SLC24A4: variants seen among roughly 807,000 people sequenced by gnomAD.
SLC24A4 encodes the protein sodium/potassium/calcium exchanger 4.
SLC24A4 carries 53 observed loss-of-function variants against 79.0 expected under a neutral mutation model. That is an observed-to-expected ratio of 0.67 (90% CI 0.54 to 0.84). The LOEUF is 0.84. Ranked by LOEUF, SLC24A4 falls within the 40% of genes least tolerant of loss-of-function variation. The pLI is 0.00. For missense variants in SLC24A4, 731 were observed against 822.0 expected (o/e 0.89, Z 1.35); for synonymous variants, 323 against 323.8 (o/e 1.00, Z 0.03).
chr14:92,323,843 G>C lies in SLC24A4; in HGVS notation c.13G>C (p.Gly5Arg). The change falls in exon 1 of 17, where the codon GGG becomes CGG. Residue 5 changes from glycine to arginine, a missense_variant. Physicochemically the swap from Gly to Arg is moderately radical, Grantham distance 125. Coordinates refer to ENST00000532405, the MANE Select transcript of SLC24A4 (RefSeq NM_153646.4). The surrounding 1 kb of genome is among the most constrained non-coding windows in gnomAD (Gnocchi z 4.9). Reference protein sequence around the residue: MALRGTLRPLKVRRR... With the variant: MALRRTLRPLKVRRR... ...CAGGCGCTCCGGGATGGCGCTCCGC[G>C]GGACCCTCCGGCCGCTCAAAGTTCG... 6.3e-7 allele frequency: 1 copy of C among 1,582,864 alleles called. No individual in the cohort carries two copies. Among genetic ancestry groups the C allele is most frequent in the Non-Finnish European group, 8.5e-7 (1 of 1,171,848 alleles).
intron 16 of SLC24A4, chr14:92,492,697 C>T (rs1895751793): frequency 2.6e-6 from 1 of 378,100 alleles, no homozygotes; most frequent in Admixed American, 3.2e-5. Flanking sequence ...GAGGTGCTAT[C>T]ATTCCCATTG....
At chr14:92,432,322 G>C (rs1891920893) in intron 2 of SLC24A4, among the ~76,000 whole-genome samples, 1 of 152,164 alleles carries the variant, frequency 6.6e-6, no homozygotes, top group African/African-American at 2.4e-5. Flanking sequence ...AAGATGACAT[G>C]ACATTGTTCT....
chr14:92,379,962 G>A (rs146237535), intron 2 of SLC24A4, among the ~76,000 whole-genome samples: 5 of 152,240 alleles, frequency 3.3e-5, no homozygotes, highest in African/African-American at 9.6e-5. Context: ...ACTCCCTGAC[G>A]TTGTGTCACA....
intron 12 of SLC24A4, among the ~76,000 whole-genome samples, chr14:92,480,319 C>CAT (rs1222886700): frequency 1.9e-5 from 1 of 53,362 alleles, no homozygotes; most frequent in Non-Finnish European, 3.5e-5. Context: ...TGGAGTCTTG[C>CAT]TCTGTCGCCC....
rs1239375362 is a variant in SLC24A4, at chr14:92,497,280, G to A, written c.*3652G>A. On this transcript the variant is annotated 3_prime_UTR_variant, in exon 17 of 17. Coordinates refer to ENST00000532405, the MANE Select transcript of SLC24A4 (RefSeq NM_153646.4). ...GTCCTACAGACCCTGACCAAAGGCC[G>A]TTCCTGGGCGGCCCAAGGTCCAGGT... 1 of 152,280 alleles carries A rather than the reference G, an allele frequency of 6.6e-6. No homozygotes were observed. The allele number at this position is 152,280 out of a possible 1,614,324, so 9.4% of individuals were successfully genotyped here.
At chr14:92,390,792 A>C (rs949453547) in intron 2 of SLC24A4, among the ~76,000 whole-genome samples, 12 of 152,226 alleles carry the variant, frequency 7.9e-5, no homozygotes, top group Admixed American at 7.8e-4. Context: ...TCTTGAGTTG[A>C]ATGTGACCAG....
chr14:92,471,182 C>T (rs1595340619), intron 12 of SLC24A4, among the ~76,000 whole-genome samples: 1 of 152,168 alleles, frequency 6.6e-6, no homozygotes, highest in Admixed American at 6.5e-5. Flanking sequence ...GCATCAGTAT[C>T]CCATTACTGT....
chr14:92,432,826 T>A (rs1229468653), intron 2 of SLC24A4, among the ~76,000 whole-genome samples: 1 of 152,098 alleles, frequency 6.6e-6, no homozygotes, highest in East Asian at 1.9e-4. Flanking sequence ...TTTCAGAGCT[T>A]AGGGCCCAAT....
chr14:92,426,704 G>C (rs1252003643), intron 2 of SLC24A4, among the ~76,000 whole-genome samples: 1 of 151,988 alleles, frequency 6.6e-6, no homozygotes, highest in South Asian at 2.1e-4. Flanking sequence ...TCCAACTGTT[G>C]CCCATGAAAG....
intron 13 of SLC24A4, 21 bp downstream of exon 13, chr14:92,482,867 G>A (rs775923244): frequency 6.3e-7 from 1 of 1,596,930 alleles, no homozygotes; most frequent in East Asian, 2.2e-5. Flanking sequence ...GGAGCAGGGG[G>A]TGGACTGTGT....
intron 2 of SLC24A4, among the ~76,000 whole-genome samples, chr14:92,390,706 G>A (rs1461635386): frequency 6.6e-6 from 1 of 152,090 alleles, no homozygotes; most frequent in African/African-American, 2.4e-5. Flanking sequence ...CACCAAACAG[G>A]CCGGCTGGCA....
chr14:92,385,489 C>T (rs1889100526), intron 2 of SLC24A4, among the ~76,000 whole-genome samples: 1 of 136,990 alleles, frequency 7.3e-6, no homozygotes, highest in African/African-American at 3.2e-5. Context: ...GAGCGAGACT[C>T]CGTCTTTAAA....
At position 92,449,186 on chromosome 14, in the gene SLC24A4, G is replaced by C; in HGVS notation, c.850G>C (p.Asp284His). Residue 284 changes from aspartate to histidine, a missense_variant, in exon 10 of 17, where the codon GAT (aspartate) becomes CAT (histidine). Transcript: ENST00000532405. The stretch of plus-strand genomic sequence containing the variant: ...TAATGATTTCTATGACGGTAGCTAT[G>C]ATGACCCTTCCGTGCCATTGCTGGG... ...AGNDFYDGSY[D>H]DPSVPLLGQV... 1 of 1,614,138 alleles carries C rather than the reference G, an allele frequency of 6.2e-7. No individual in the cohort carries two copies. Among genetic ancestry groups the C allele is most frequent in the Non-Finnish European group, 8.5e-7 (1 of 1,180,018 alleles).
intron 2 of SLC24A4, 61 bp from the exon 3 acceptor site, chr14:92,433,851 G>A: frequency 1.4e-6 from 2 of 1,414,752 alleles, no homozygotes; most frequent in Non-Finnish European, 2.0e-6. Flanking sequence ...CAGAAGTCAA[G>A]TGAGGTTTGT....
At position 92,334,396 on chromosome 14, in the gene SLC24A4, G is replaced by T. The variant is rs115998976; in HGVS notation, c.241+8418G>T. Among the ~76,000 whole-genome samples the T allele has an allele frequency of 3.0e-3, 452 of 152,290 alleles. 5 individuals carry two copies. Among genetic ancestry groups the T allele is most frequent in the African/African-American group, 0.01 (433 of 41,550 alleles). On this transcript the variant is annotated intron_variant, in intron 2 of 16. Transcript: ENST00000532405. The stretch of plus-strand genomic sequence containing the variant: ...TTACAAACAAAGGCTGAGGAAGATG[G>T]CACCCGGCATCACTGTGCCCACTCA...
intron 2 of SLC24A4, among the ~76,000 whole-genome samples, chr14:92,388,504 G>A (rs1458672620): frequency 3.3e-5 from 5 of 152,226 alleles, no homozygotes; most frequent in Admixed American, 1.3e-4. Flanking sequence ...ACCCACAGGC[G>A]TTGACAGCCT....
intron 2 of SLC24A4, among the ~76,000 whole-genome samples, chr14:92,335,273 T>A (rs999121017): frequency 1.3e-5 from 2 of 152,224 alleles, no homozygotes; most frequent in African/African-American, 2.4e-5. Context: ...TATTGATACA[T>A]TGTTATTAAC....
In SLC24A4 at chr14:92,498,623, TG is replaced by T. The variant is rs1466369054; in HGVS notation, c.*4997del. ...AGTGATTCTCCCACCTCAGCCTCTC[TG>T]GTAGCTGGGACTACAGGCACGCGCC... is the stretch of plus-strand genomic sequence containing the variant. On this transcript the variant is annotated 3_prime_UTR_variant, in exon 17 of 17. Transcript: ENST00000532405. 1 of 152,112 alleles carries T rather than the reference TG, an allele frequency of 6.6e-6. No individual in the cohort carries two copies. Among genetic ancestry groups the T allele is most frequent in the Non-Finnish European group, 1.5e-5 (1 of 68,100 alleles). 9.4% of individuals were successfully genotyped at this position (152,112 alleles called of 1,614,324 possible).
At chr14:92,372,981 CTCTCCCTCTCT>C (rs1215551326) in intron 2 of SLC24A4, among the ~76,000 whole-genome samples, 11 of 136,574 alleles carry the variant, frequency 8.1e-5, no homozygotes, top group Admixed American at 1.5e-4. Flanking sequence ...CCCCCCCTCC[CTCTCCCTCTCT>C]CTCTCTTCTT....
Sources: gnomAD v4.1 joint callset for allele counts (sites outside exome capture counted in the v4.1 genomes callset) on GRCh38, gnomAD v4.1.1 for gene constraint, Gnocchi (gnomAD v3.1) non-coding constraint, MANE v1.5 for transcripts, NCBI Gene and HGNC (gene_info 2026-07-23, HGNC 2026-07-21) for gene names.